Variants in RPGRIP1 observed in about 807,000 individuals in gnomAD.
RPGRIP1 encodes the protein X-linked retinitis pigmentosa GTPase regulator-interacting protein 1.
RPGRIP1 carries 128 observed loss-of-function variants against 157.9 expected under a neutral mutation model. The observed-to-expected ratio is 0.81, with a 90% CI of 0.70 to 0.94. The LOEUF (loss-of-function observed/expected upper bound fraction) is 0.94. RPGRIP1 is among the 40% of genes least tolerant of loss of function. RPGRIP1 has a pLI of 0.00. For synonymous variants in RPGRIP1, 554 were observed against 571.6 expected (o/e 0.97, Z 0.44); for missense variants, 1,486 against 1,545.8 (o/e 0.96, Z 0.65).
intron 24 of RPGRIP1, among the ~76,000 whole-genome samples, chr14:21,348,996 C>CT (rs1163872835): frequency 1.3e-5 from 2 of 151,342 alleles, no homozygotes; most frequent in Non-Finnish European, 2.9e-5. Context: ...ACTGTCTCCT[C>CT]TTTCCTCACA....
intron 19 of RPGRIP1, among the ~76,000 whole-genome samples, chr14:21,329,235 C>G (rs1413145287): frequency 6.6e-6 from 1 of 151,684 alleles, no homozygotes; most frequent in East Asian, 2.0e-4. Context: ...AGGAGAATCG[C>G]TTGAACCCAG....
intron 1 of RPGRIP1, among the ~76,000 whole-genome samples, chr14:21,280,482 G>A (rs951496186): frequency 1.3e-5 from 2 of 152,044 alleles, no homozygotes; most frequent in Non-Finnish European, 2.9e-5. Flanking sequence ...CTGACCTCAG[G>A]TGATTCACCC....
intron 6 of RPGRIP1, among the ~76,000 whole-genome samples, chr14:21,307,398 G>C (rs550736594): frequency 6.6e-6 from 1 of 152,198 alleles, no homozygotes; most frequent in Non-Finnish European, 1.5e-5. Context: ...AACCTCACTG[G>C]TTTCTCTAAG....
Position 21,301,203 on chromosome 14 carries a change from A to AGCCGGTGC in RPGRIP1, c.457_464dup (p.Pro158HisfsTer15). On this transcript the variant is annotated frameshift_variant, in exon 4 of 25. Transcript: ENST00000400017. LOFTEE classifies it high-confidence loss of function. ...AAGTGGGACACAGACAGCTCCACACAGCCGGTGCACCGGTGCCGGAGAAAC... is the reference window on the plus strand; with the variant it reads ...AAGTGGGACACAGACAGCTCCACACAGCCGGTGCGCCGGTGCACCGGTGCCGGAGAAAC... The AGCCGGTGC allele has an allele frequency of 6.3e-7, 1 of 1,593,998 alleles. No homozygotes were observed. Among genetic ancestry groups the AGCCGGTGC allele is most frequent in the Non-Finnish European group, 8.5e-7 (1 of 1,171,210 alleles).
chr14:21,288,648 G>A (rs1033703800), intron 2 of RPGRIP1, among the ~76,000 whole-genome samples: 3 of 151,440 alleles, frequency 2.0e-5, no homozygotes, highest in Non-Finnish European at 4.4e-5. Flanking sequence ...CTGAGTAGCT[G>A]GGACTACAGG....
At position 21,320,187 on chromosome 14, in the gene RPGRIP1, T is replaced by C; in HGVS notation, c.1467+10T>C. On this transcript the variant is annotated intron_variant, in intron 12 of 24. Transcript: ENST00000400017. ...GAACACTCAGATCGAGGTAAGAGCCTCTTTAAACAAACTAGTCCACTCTGC... is the reference window on the plus strand; with the variant it reads ...GAACACTCAGATCGAGGTAAGAGCCCCTTTAAACAAACTAGTCCACTCTGC... 6.2e-7 allele frequency: 1 copy of C among 1,612,264 alleles called. No individual in the cohort carries two copies. The highest frequency in any genetic ancestry group is 8.5e-7 in the Non-Finnish European group (1 of 1,178,874).
intron 1 of RPGRIP1, among the ~76,000 whole-genome samples, chr14:21,281,426 C>T (rs935271142): frequency 1.3e-5 from 2 of 152,012 alleles, no homozygotes; most frequent in African/African-American, 4.8e-5. Flanking sequence ...TGTTGGCTCA[C>T]ACCTGTAATC....
In RPGRIP1 at chr14:21,297,812, T is replaced by C. The variant is rs1408655517; in HGVS notation, c.218+3003T>C. On this transcript the variant is annotated intron_variant, in intron 3 of 24. Transcript: ENST00000400017. ...CTGTCAGAAAGCAAGCACAATTCTA[T>C]GTTTCGGTATCTCAATAAATTATTC... 3.9e-5 allele frequency among the ~76,000 whole-genome samples: 6 copies of C among 152,196 alleles called. 1 individual carries two copies. Among genetic ancestry groups the C allele is most frequent in the Non-Finnish European group, 7.3e-5 (5 of 68,046 alleles).
chr14:21,306,745 C>A (rs1881327589), intron 6 of RPGRIP1, among the ~76,000 whole-genome samples: 1 of 150,938 alleles, frequency 6.6e-6, no homozygotes, highest in Non-Finnish European at 1.5e-5. Context: ...GCGTGAGCCA[C>A]CGTGCCGGGT....
chr14:21,340,930 CA>C (rs113515799), intron 21 of RPGRIP1, among the ~76,000 whole-genome samples: 19,461 of 150,546 alleles, frequency 0.13, 1,381 homozygotes, highest in Middle Eastern at 0.23. Context: ...ATCAAAGTGT[CA>C]AAAAAAAACC....
intron 3 of RPGRIP1, 21 bp downstream of exon 3, chr14:21,294,830 A>ATTTTTTTTTTTTTT (rs746359185): frequency 5.1e-6 from 4 of 777,908 alleles, no homozygotes; most frequent in Admixed American, 6.9e-5. Flanking sequence ...TTCTCCTTAA[A>ATTTTTTTTTTTTTT]TTTTTTTTTT....
chr14:21,282,761 CACCACACCCGGCTAATT>C (rs1880178260), intron 1 of RPGRIP1, among the ~76,000 whole-genome samples: 1 of 151,988 alleles, frequency 6.6e-6, no homozygotes, highest in Non-Finnish European at 1.5e-5. Context: ...AGGCGCGTGC[CACCACACCCGGCTAATT>C]TTTTGTATTT....
At chr14:21,337,185 G>C (rs1884450799) in intron 21 of RPGRIP1, among the ~76,000 whole-genome samples, 1 of 152,148 alleles carries the variant, frequency 6.6e-6, no homozygotes, top group South Asian at 2.1e-4. Context: ...GGTTGAGACA[G>C]TGATTTAGAT....
intron 19 of RPGRIP1, among the ~76,000 whole-genome samples, chr14:21,329,785 C>T (rs1883529843): frequency 6.6e-6 from 1 of 151,074 alleles, no homozygotes; most frequent in South Asian, 2.1e-4. Flanking sequence ...CGTGAGCCAC[C>T]ATGCCCGGCC....
In RPGRIP1 at chr14:21,328,565, G is replaced by A. The variant is rs1289388105; in HGVS notation, c.3037G>A (p.Val1013Ile). 1.7e-5 allele frequency: 28 copies of A among 1,613,586 alleles called. No individual in the cohort carries two copies. The highest frequency in any genetic ancestry group is 2.7e-5 in the African/African-American group (2 of 74,890). The change falls in exon 19 of 25, where the codon GTT (valine) becomes ATT (isoleucine). Residue 1013 changes from valine (V) to isoleucine (I), a missense_variant. Coordinates refer to ENST00000400017, the MANE Select transcript of RPGRIP1 (RefSeq NM_020366.4). ...SRRKHGKRIG[V>I]QGKNRMEYLS... ...AAGAAAACATGGCAAAAGAATAGGT[G>A]TTCAAGGAAAGAATAGAATGGAGTA...
chr14:21,301,830 A>G (rs1881050313), intron 4 of RPGRIP1, among the ~76,000 whole-genome samples: 1 of 151,894 alleles, frequency 6.6e-6, no homozygotes. Flanking sequence ...GTGAGCCCAG[A>G]TGGCACCACT....
chr14:21,286,817 T>C (rs1880315213), intron 1 of RPGRIP1, among the ~76,000 whole-genome samples: 1 of 151,698 alleles, frequency 6.6e-6, no homozygotes. Flanking sequence ...AATCTGAAGC[T>C]GGAGACAAAA....
At chr14:21,348,094 T>C (rs1885745920) in intron 23 of RPGRIP1, 78 bp from the exon 24 acceptor site, 4 of 1,193,446 alleles carry the variant, frequency 3.4e-6, no homozygotes, top group Non-Finnish European at 4.6e-6. Flanking sequence ...GTATTGTTTA[T>C]GATTACTTTT....
intron 7 of RPGRIP1, among the ~76,000 whole-genome samples, chr14:21,309,341 A>G (rs1477228474): frequency 6.6e-6 from 1 of 152,000 alleles, no homozygotes; most frequent in Non-Finnish European, 1.5e-5. Context: ...GCGAAACCCC[A>G]TCTCTATCAA....
Sources: allele counts gnomAD v4.1 joint callset (sites outside exome capture counted in the v4.1 genomes callset), GRCh38; gene constraint gnomAD v4.1.1; transcripts MANE v1.5; gene names NCBI Gene and HGNC (gene_info 2026-07-23, HGNC 2026-07-21).